KAT6A: variants seen among roughly 807,000 people sequenced by gnomAD.
KAT6A encodes histone acetyltransferase KAT6A.
Under a neutral mutation model 198.4 loss-of-function variants are expected in KAT6A, and 9 were observed. The observed-to-expected ratio is 0.05, with a 90% CI of 0.03 to 0.08. The LOEUF is 0.08. Among genes scored for constraint, KAT6A ranks in the 10% least tolerant of loss-of-function variants. The pLI, the probability that KAT6A is intolerant of heterozygous loss-of-function variation, is 1.00. For synonymous variants in KAT6A, 890 were observed against 883.0 expected (o/e 1.01, Z -0.14); for missense variants, 2,077 against 2,509.9 (o/e 0.83, Z 3.69).
At chr8:41,981,420 C>A (rs550121434) in intron 4 of KAT6A, among the ~76,000 whole-genome samples, 19 of 152,234 alleles carry the variant, frequency 1.2e-4, no homozygotes, top group South Asian at 4.1e-4. Flanking sequence ...TATGTTCCAG[C>A]CAATCTTTGA....
chr8:41,946,806 T>C (rs1822418964), intron 11 of KAT6A, 122 bp from the exon 12 acceptor site: 1 of 631,568 alleles, frequency 1.6e-6, no homozygotes. Context: ...AATAGCAACG[T>C]ACATCAACAA....
At chr8:41,943,524 T>A (rs962605793) in intron 13 of KAT6A, among the ~76,000 whole-genome samples, 4 of 152,054 alleles carry the variant, frequency 2.6e-5, no homozygotes, top group Non-Finnish European at 4.4e-5. Context: ...AAATTAGGGG[T>A]ATCAGAAAAA....
chr8:41,946,497 C>CAA, intron 12 of KAT6A, 94 bp downstream of exon 12: 1 of 240,356 alleles, frequency 4.2e-6, no homozygotes, highest in Admixed American at 5.6e-5. Context: ...TATATATACA[C>CAA]ACACACACAC....
chr8:41,974,593 T>C (rs1823956024), intron 8 of KAT6A, 111 bp downstream of exon 8: 5 of 669,700 alleles, frequency 7.5e-6, no homozygotes, highest in Admixed American at 4.8e-5. Flanking sequence ...ACCACAACTA[T>C]TCTGAGATTA....
At position 41,930,728 on chromosome 8, in the gene KAT6A, A is replaced by T. The variant is rs867302645; in HGVS notation, c.*1477T>A. 96 of 67,574 alleles carry T rather than the reference A, an allele frequency of 1.4e-3. No individual in the cohort carries two copies. Among genetic ancestry groups the T allele is most frequent in the Middle Eastern group, 0.015 (1 of 68 alleles). The allele number at this position is 67,574 out of a possible 1,614,324, so 4.2% of individuals were successfully genotyped here. On this transcript the variant is annotated 3_prime_UTR_variant, in exon 17 of 17. Transcript: ENST00000265713. ...TGTGTGTGTATATATATATATATAT[A>T]TTTTTTTTTTTTTTTTTTTTTTTTT...
chr8:41,976,365 A>G (rs1824053469), intron 7 of KAT6A, among the ~76,000 whole-genome samples: 1 of 152,184 alleles, frequency 6.6e-6, no homozygotes, highest in Non-Finnish European at 1.5e-5. Flanking sequence ...TGGACAGTTA[A>G]TCAAATTCTT....
At chr8:41,937,192 G>T in intron 16 of KAT6A, 64 bp downstream of exon 16, 1 of 1,291,990 alleles carries the variant, frequency 7.7e-7, no homozygotes, top group Non-Finnish European at 1.1e-6. Flanking sequence ...TGAAGGGTCT[G>T]TCACTGCTAC....
chr8:42,032,641 C>G (rs1313179319), intron 2 of KAT6A, among the ~76,000 whole-genome samples: 1 of 152,080 alleles, frequency 6.6e-6, no homozygotes, highest in East Asian at 1.9e-4. Context: ...AGCAAATATT[C>G]AGTAGCAAAT....
chr8:42,020,617 G>GA (rs1201676494), intron 2 of KAT6A, among the ~76,000 whole-genome samples: 3 of 152,196 alleles, frequency 2.0e-5, no homozygotes, highest in Non-Finnish European at 4.4e-5. Flanking sequence ...ATGAATGTCT[G>GA]AAAATAAGCA....
intron 2 of KAT6A, among the ~76,000 whole-genome samples, chr8:42,031,617 CTTTTTTTTTTTTTT>C (rs11329714): frequency 7.1e-4 from 46 of 65,110 alleles, no homozygotes; most frequent in African/African-American, 2.2e-3. Flanking sequence ...GGAGCATTCA[CTTTTTTTTTTTTTT>C]TTTTTTTTTT....
At chr8:42,020,991 C>T (rs992054919) in intron 2 of KAT6A, among the ~76,000 whole-genome samples, 5 of 151,890 alleles carry the variant, frequency 3.3e-5, no homozygotes, top group Non-Finnish European at 5.9e-5. Context: ...GGGTACTCTG[C>T]TTGTTGTTGT....
rs573368968 is a variant in KAT6A at position 41,992,116 on chromosome 8, G to A, written c.601-4553C>T. On this transcript the variant is annotated intron_variant, in intron 2 of 16. Coordinates refer to ENST00000265713, the MANE Select transcript of KAT6A (RefSeq NM_006766.5). ...CTTGAGAGGGTGAGGTGGGAGGATCGCTTGAGCCCAGGAAGTCAAGGCTGC... is the reference window on the plus strand; with the variant it reads ...CTTGAGAGGGTGAGGTGGGAGGATCACTTGAGCCCAGGAAGTCAAGGCTGC... Among the ~76,000 whole-genome samples, 52 of 151,880 alleles carry A rather than the reference G, an allele frequency of 3.4e-4. 1 individual carries two copies. The South Asian group carries it at 7.5e-3, about 22-fold the overall frequency.
chr8:42,004,512 A>G (rs1424196774), intron 2 of KAT6A, among the ~76,000 whole-genome samples: 1 of 152,242 alleles, frequency 6.6e-6, no homozygotes, highest in Non-Finnish European at 1.5e-5. Flanking sequence ...TTTATAAAAA[A>G]TCTTGAAAAT....
At chr8:41,944,032 C>G in intron 12 of KAT6A, 53 bp from the exon 13 acceptor site, 1 of 1,208,932 alleles carries the variant, frequency 8.3e-7, no homozygotes, top group Non-Finnish European at 1.2e-6. Flanking sequence ...CTCTGAAAAA[C>G]TGGATTCACC....
At chr8:41,979,237 C>T (rs1334801209) in intron 5 of KAT6A, among the ~76,000 whole-genome samples, 2 of 152,154 alleles carry the variant, frequency 1.3e-5, no homozygotes, top group Admixed American at 6.5e-5. Flanking sequence ...CACTGCATTC[C>T]AGCCTGGGCG....
chr8:41,999,305 T>G (rs1156328149), intron 2 of KAT6A, among the ~76,000 whole-genome samples: 1 of 152,218 alleles, frequency 6.6e-6, no homozygotes, highest in Admixed American at 6.5e-5. Flanking sequence ...CACTTTCTAT[T>G]TGTCAGTGAT....
chr8:41,975,509 T>C (rs1472614463), intron 7 of KAT6A, among the ~76,000 whole-genome samples: 1 of 152,178 alleles, frequency 6.6e-6, no homozygotes. Flanking sequence ...AAAAGACCAA[T>C]TGGTGACAGT....
chr8:42,038,573 C>T lies in KAT6A; in HGVS notation c.600+9805G>A, dbSNP rs544230044. Among the ~76,000 whole-genome samples the T allele has an allele frequency of 4.6e-5, 7 of 152,316 alleles. No homozygotes were observed. The South Asian group carries it at 1.2e-3, about 27-fold the overall frequency. ...AAGCACAAAATTGAGAAGGGCCTGACCAATTCTTCCAGATGGTATTAACTG... is the reference window on the plus strand; with the variant it reads ...AAGCACAAAATTGAGAAGGGCCTGATCAATTCTTCCAGATGGTATTAACTG... On this transcript the variant is annotated intron_variant, in intron 2 of 16. Transcript: ENST00000265713.
chr8:41,965,618 C>T (rs1823433617), intron 8 of KAT6A, among the ~76,000 whole-genome samples: 1 of 152,134 alleles, frequency 6.6e-6, no homozygotes, highest in Non-Finnish European at 1.5e-5. Flanking sequence ...CTTCAATCTA[C>T]TTTAGTTTGA....
Sources: allele counts gnomAD v4.1 joint callset (sites outside exome capture counted in the v4.1 genomes callset), GRCh38; gene constraint gnomAD v4.1.1; transcripts MANE v1.5; gene names NCBI Gene and HGNC (gene_info 2026-07-23, HGNC 2026-07-21).